Variants in ADGRB3 observed in about 807,000 individuals in gnomAD.
ADGRB3 encodes brain-specific angiogenesis inhibitor 3.
ADGRB3 carries 37 observed loss-of-function variants against 193.4 expected under a neutral mutation model. The observed-to-expected ratio is 0.19, with a 90% CI of 0.15 to 0.25. ADGRB3 has a LOEUF of 0.25. Ranked by LOEUF, ADGRB3 falls within the 10% of genes least tolerant of loss-of-function variation. ADGRB3 has a pLI of 1.00. For missense variants in ADGRB3, 1,637 were observed against 1,852.9 expected (o/e 0.88, Z 2.14); for synonymous variants, 690 against 644.2 (o/e 1.07, Z -1.08).
chr6:69,008,202 G>A (rs1769824007), intron 11 of ADGRB3, among the ~76,000 whole-genome samples: 3 of 152,044 alleles, frequency 2.0e-5, no homozygotes. Context: ...CCTTTTAAAT[G>A]TATTTGCTTA....
At chr6:68,868,328 C>T (rs1193369868) in intron 3 of ADGRB3, among the ~76,000 whole-genome samples, 1 of 152,166 alleles carries the variant, frequency 6.6e-6, no homozygotes, top group African/African-American at 2.4e-5. Flanking sequence ...TCTTCCCATT[C>T]ACCTTCCGCC....
At position 69,148,425 on chromosome 6, in the gene ADGRB3, T is replaced by G. The variant is rs1353966846; in HGVS notation, c.2480+72387T>G. 3.3e-5 allele frequency among the ~76,000 whole-genome samples: 5 copies of G among 152,270 alleles called. No homozygotes were observed. In the Middle Eastern group the frequency reaches 0.01, roughly 311 times the overall value. The stretch of plus-strand genomic sequence containing the variant: ...CAAGAAAGAAAACACTAATAAAAAC[T>G]CTACATTTTAACTTCATGTCCCTGC... On this transcript the variant is annotated intron_variant, in intron 17 of 31. Coordinates refer to ENST00000370598, the MANE Select transcript of ADGRB3 (RefSeq NM_001704.3).
chr6:69,080,897 G>A (rs543581060), intron 17 of ADGRB3, among the ~76,000 whole-genome samples: 24 of 152,028 alleles, frequency 1.6e-4, no homozygotes, highest in African/African-American at 4.3e-4. Context: ...TATGACAAAC[G>A]TATGATGTTC....
chr6:69,382,754 G>A, intron 30 of ADGRB3, 77 bp from the exon 31 acceptor site: 2 of 1,106,632 alleles, frequency 1.8e-6, no homozygotes, highest in Non-Finnish European at 2.5e-6. Context: ...TATTATTAAA[G>A]CAAAAATATT....
intron 3 of ADGRB3, among the ~76,000 whole-genome samples, chr6:68,900,984 G>T (rs1766379602): frequency 6.6e-6 from 1 of 152,064 alleles, no homozygotes; most frequent in African/African-American, 2.4e-5. Flanking sequence ...AATAAAACAT[G>T]CTAATAGTTC....
At chr6:68,901,625 C>T (rs565338839) in intron 3 of ADGRB3, among the ~76,000 whole-genome samples, 52 of 152,090 alleles carry the variant, frequency 3.4e-4, no homozygotes, top group Non-Finnish European at 6.0e-4. Flanking sequence ...TCTATAGTAC[C>T]AGTGTATAAT....
chr6:68,768,041 GAC>G (rs1488177321), intron 3 of ADGRB3, among the ~76,000 whole-genome samples: 3 of 152,114 alleles, frequency 2.0e-5, no homozygotes, highest in Non-Finnish European at 4.4e-5. Flanking sequence ...AATAAGAGAA[GAC>G]ACAAACAAAT....
chr6:69,031,236 C>T (rs1465571112), intron 13 of ADGRB3, among the ~76,000 whole-genome samples: 1 of 150,964 alleles, frequency 6.6e-6, no homozygotes, highest in Non-Finnish European at 1.5e-5. Context: ...GTCAGGAGAT[C>T]GAGACCATCC....
chr6:69,257,937 G>T (rs889161400), intron 20 of ADGRB3, among the ~76,000 whole-genome samples: 1 of 152,178 alleles, frequency 6.6e-6, no homozygotes, highest in African/African-American at 2.4e-5. Flanking sequence ...TTGTAGAAAC[G>T]TGGTTGTTAT....
In ADGRB3 at chr6:68,956,017, T is replaced by G. The variant is rs776552438; in HGVS notation, c.1196-7T>G. 6.2e-7 allele frequency: 1 copy of G among 1,611,434 alleles called. No individual in the cohort carries two copies. Among genetic ancestry groups the G allele is most frequent in the Non-Finnish European group, 8.5e-7 (1 of 1,178,938 alleles). Reference sequence around the variant, plus strand: ...TCCTCATGCTGTCTCTTTTTCTGCTTTGGTAGTTGATGGACAGTGGCAAGA... The same window carrying G: ...TCCTCATGCTGTCTCTTTTTCTGCTGTGGTAGTTGATGGACAGTGGCAAGA... On this transcript the variant is annotated splice_region_variant and splice_polypyrimidine_tract_variant and intron_variant, in intron 6 of 31. Transcript: ENST00000370598.
chr6:68,682,784 C>CT lies in ADGRB3; in HGVS notation c.757+43362dup, dbSNP rs1175000428. Among the ~76,000 whole-genome samples the CT allele has an allele frequency of 4.1e-3, 600 of 144,720 alleles. 3 individuals are homozygous for CT. Among genetic ancestry groups the CT allele is most frequent in the African/African-American group, 0.013 (498 of 39,658 alleles). The allele number at this position is 144,720 out of a possible 152,430, so 94.9% of individuals were successfully genotyped here. ...TTCTTTTTCTTTCACTTTTTTTTTT[C>CT]TTTTTTTTTTGAGATGGAGTCTCCC... On this transcript the variant is annotated intron_variant, in intron 3 of 31. Coordinates refer to ENST00000370598, the MANE Select transcript of ADGRB3 (RefSeq NM_001704.3).
chr6:69,116,231 C>T (rs1773528310), intron 17 of ADGRB3, among the ~76,000 whole-genome samples: 1 of 152,144 alleles, frequency 6.6e-6, no homozygotes, highest in Non-Finnish European at 1.5e-5. Flanking sequence ...AAGTCAACTG[C>T]CTATAAATGT....
chr6:69,195,335 G>A (rs1271510623), intron 17 of ADGRB3, among the ~76,000 whole-genome samples: 1 of 151,682 alleles, frequency 6.6e-6, no homozygotes, highest in African/African-American at 2.4e-5. Flanking sequence ...TTCGAGACCA[G>A]GCCTGGCAAC....
rs376129992 is a variant in ADGRB3 at position 69,019,547 on chromosome 6, A to G, written c.2107+1048A>G. 3.9e-5 allele frequency among the ~76,000 whole-genome samples: 6 copies of G among 152,094 alleles called. No individual in the cohort carries two copies. The East Asian group carries it at 1.2e-3, about 29-fold the overall frequency. Reference sequence around the variant, plus strand: ...ATTTTATCCTAGGATATCTTCCACCAGGGTGACCTCAGATTACAATAGGTT... The same window carrying G: ...ATTTTATCCTAGGATATCTTCCACCGGGGTGACCTCAGATTACAATAGGTT... On this transcript the variant is annotated intron_variant, in intron 13 of 31. Transcript: ENST00000370598.
chr6:68,810,575 T>G (rs1158374993), intron 3 of ADGRB3, among the ~76,000 whole-genome samples: 1 of 152,242 alleles, frequency 6.6e-6, no homozygotes, highest in Non-Finnish European at 1.5e-5. Flanking sequence ...TTTCCAGGTC[T>G]TAGTTTTCTC....
At chr6:69,232,343 C>A in intron 17 of ADGRB3, 2 of 1,286,078 alleles carry the variant, frequency 1.6e-6, no homozygotes, top group Non-Finnish European at 2.0e-6. Context: ...CCCATCCCCC[C>A]CACCACGAAC....
chr6:68,853,200 G>A (rs976034669), intron 3 of ADGRB3, among the ~76,000 whole-genome samples: 7 of 151,976 alleles, frequency 4.6e-5, no homozygotes, highest in Non-Finnish European at 1.0e-4. Flanking sequence ...AGCCAAAGCA[G>A]AACAAATTAT....
At chr6:69,129,280 G>A (rs959013574) in intron 17 of ADGRB3, among the ~76,000 whole-genome samples, 1 of 152,094 alleles carries the variant, frequency 6.6e-6, no homozygotes, top group Non-Finnish European at 1.5e-5. Flanking sequence ...TATGTGCATG[G>A]AATTAAATTA....
chr6:69,213,580 A>G (rs1269922760), intron 17 of ADGRB3, among the ~76,000 whole-genome samples: 1 of 152,190 alleles, frequency 6.6e-6, no homozygotes, highest in East Asian at 1.9e-4. Context: ...TATTTATCAC[A>G]GGCTTTATTT....
Sources: allele counts gnomAD v4.1 joint callset (sites outside exome capture counted in the v4.1 genomes callset), GRCh38; gene constraint gnomAD v4.1.1; transcripts MANE v1.5; gene names NCBI Gene and HGNC (gene_info 2026-07-23, HGNC 2026-07-21).